CNTNAP2: variants seen among roughly 807,000 people sequenced by gnomAD.
The protein encoded by CNTNAP2 is contactin associated protein 2, also known as contactin-associated protein-like 2.
In CNTNAP2, 98 loss-of-function variants were observed where a neutral mutation model predicts 155.2. That is an observed-to-expected ratio of 0.63 (90% CI 0.54 to 0.75). CNTNAP2 has a LOEUF of 0.75. Ranked by LOEUF, CNTNAP2 falls within the 30% of genes least tolerant of loss-of-function variation. CNTNAP2 has a pLI of 0.00. For synonymous variants in CNTNAP2, 651 were observed against 631.2 expected (o/e 1.03, Z -0.47); for missense variants, 1,727 against 1,688.1 (o/e 1.02, Z -0.40).
chr7:147,863,409 C>A (rs959771717), intron 13 of CNTNAP2, among the ~76,000 whole-genome samples: 6 of 152,036 alleles, frequency 3.9e-5, no homozygotes, highest in Non-Finnish European at 7.4e-5. Context: ...TGTGTCTTTA[C>A]AGGAGCATGA....
chr7:146,883,402 T>C (rs945143475), intron 3 of CNTNAP2, among the ~76,000 whole-genome samples: 4 of 152,134 alleles, frequency 2.6e-5, no homozygotes, highest in Admixed American at 6.6e-5. Flanking sequence ...AAATACGTTT[T>C]TTTCTATGTG....
At chr7:147,712,156 C>T (rs942556090) in intron 13 of CNTNAP2, among the ~76,000 whole-genome samples, 3 of 152,100 alleles carry the variant, frequency 2.0e-5, no homozygotes, top group African/African-American at 7.2e-5. Context: ...TGCTCATCAT[C>T]GCTGGCCATC....
Position 147,118,259 on chromosome 7 carries a change from C to T in CNTNAP2, c.755-2720C>T, listed in dbSNP as rs1371358750. 4.6e-5 allele frequency among the ~76,000 whole-genome samples: 7 copies of T among 152,086 alleles called. No individual in the cohort carries two copies. The East Asian group carries it at 1.3e-3, about 29-fold the overall frequency. On this transcript the variant is annotated intron_variant, in intron 5 of 23. Coordinates refer to ENST00000361727, the MANE Select transcript of CNTNAP2 (RefSeq NM_014141.6). ...AATAGCTAGACAGTATGTCTTCGGACACTTGAAATCTCTTACAATACAGTA... is the reference window on the plus strand; with the variant it reads ...AATAGCTAGACAGTATGTCTTCGGATACTTGAAATCTCTTACAATACAGTA...
At chr7:146,193,155 T>G (rs34181509) in intron 1 of CNTNAP2, among the ~76,000 whole-genome samples, 16,964 of 152,242 alleles carry the variant, frequency 0.11, 1,232 homozygotes, top group Non-Finnish European at 0.17. Context: ...TTTCATGGGC[T>G]GGCATTGAGT....
At chr7:146,569,238 G>C (rs751015098) in intron 1 of CNTNAP2, among the ~76,000 whole-genome samples, 19 of 151,982 alleles carry the variant, frequency 1.3e-4, no homozygotes, top group South Asian at 2.1e-4. Flanking sequence ...GGATGGTCTC[G>C]ATCTCCTCCT....
rs144060621 is a variant in CNTNAP2 at position 146,647,277 on chromosome 7, C to T, written c.98-126994C>T. ...TTATCTCGAGCTCCTTTCCTCACCC[C>T]ATTTCCTTTAAAGAATGGCCAGAAA... On this transcript the variant is annotated intron_variant, in intron 1 of 23. Coordinates refer to ENST00000361727, the MANE Select transcript of CNTNAP2 (RefSeq NM_014141.6). Among the ~76,000 whole-genome samples the T allele has an allele frequency of 4.0e-3, 605 of 152,220 alleles. 4 individuals carry two copies. The highest frequency in any genetic ancestry group is 0.016 in the South Asian group (77 of 4,820).
At chr7:146,752,970 A>C (rs2129182761) in intron 1 of CNTNAP2, among the ~76,000 whole-genome samples, 1 of 152,278 alleles carries the variant, frequency 6.6e-6, no homozygotes, top group East Asian at 1.9e-4. Context: ...AAAGTGAGTG[A>C]ATCTCACTGG....
chr7:146,309,455 A>G (rs1167022896), intron 1 of CNTNAP2, among the ~76,000 whole-genome samples: 4 of 152,118 alleles, frequency 2.6e-5, no homozygotes, highest in African/African-American at 9.7e-5. Flanking sequence ...TCTCAAAGCC[A>G]TTTCACGGGC....
At chr7:147,362,017 C>G (rs929434590) in intron 9 of CNTNAP2, among the ~76,000 whole-genome samples, 4 of 152,202 alleles carry the variant, frequency 2.6e-5, no homozygotes, top group African/African-American at 7.2e-5. Context: ...TCGGCTGGAA[C>G]AGTGGGCCTG....
At chr7:146,812,229 C>T (rs538981107) in intron 2 of CNTNAP2, among the ~76,000 whole-genome samples, 70 of 151,872 alleles carry the variant, frequency 4.6e-4, no homozygotes, top group African/African-American at 1.9e-4. Flanking sequence ...AAAATGCTGA[C>T]GGTTATATGG....
intron 3 of CNTNAP2, among the ~76,000 whole-genome samples, chr7:146,905,148 C>G (rs370762924): frequency 6.6e-6 from 1 of 152,000 alleles, no homozygotes; most frequent in South Asian, 2.1e-4. Flanking sequence ...CCCCTACTCA[C>G]GTTGTGACAA....
chr7:148,172,436 G>A lies in CNTNAP2; in HGVS notation c.2968G>A (p.Asp990Asn), dbSNP rs1060503572. 6.2e-6 allele frequency: 10 copies of A among 1,614,046 alleles called. No individual in the cohort carries two copies. Among genetic ancestry groups the A allele is most frequent in the East Asian group, 2.2e-5 (1 of 44,898 alleles). Reference protein sequence around the residue: ...CLERYHGYSCDCSNTAYDGTF... With the variant: ...CLERYHGYSCNCSNTAYDGTF... The stretch of plus-strand genomic sequence containing the variant: ...AGAGAGATACCACGGTTACTCCTGC[G>A]ATTGCTCTAATACTGCATATGATGG... The change falls in exon 18 of 24, where the codon GAT (aspartate) becomes AAT (asparagine). Residue 990 changes from aspartate to asparagine, a missense_variant. By Grantham distance (23) the Asp-to-Asn change is conservative (BLOSUM62 1). Coordinates refer to ENST00000361727, the MANE Select transcript of CNTNAP2 (RefSeq NM_014141.6).
At chr7:146,717,457 T>C (rs1801210379) in intron 1 of CNTNAP2, among the ~76,000 whole-genome samples, 1 of 151,560 alleles carries the variant, frequency 6.6e-6, no homozygotes. Context: ...GAGGTTGCAG[T>C]GAGCCAAGAT....
At chr7:147,248,409 A>G (rs898504748) in intron 8 of CNTNAP2, among the ~76,000 whole-genome samples, 3 of 152,164 alleles carry the variant, frequency 2.0e-5, no homozygotes, top group African/African-American at 7.2e-5. Context: ...TACACTTCGC[A>G]GTCTTGGTTG....
At chr7:147,238,075 C>T (rs1004805067) in intron 8 of CNTNAP2, among the ~76,000 whole-genome samples, 2 of 152,136 alleles carry the variant, frequency 1.3e-5, no homozygotes, top group African/African-American at 4.8e-5. Context: ...AGTGCAGTGG[C>T]GCGATCTCGG....
chr7:146,931,587 A>C (rs907329084), intron 3 of CNTNAP2, among the ~76,000 whole-genome samples: 11 of 151,194 alleles, frequency 7.3e-5, no homozygotes, highest in Non-Finnish European at 1.3e-4. Context: ...AACTAAAATC[A>C]GAGCAGAACT....
rs191067437 is a variant in CNTNAP2 at position 146,774,154 on chromosome 7, G to A, written c.98-117G>A. 195 of 760,644 alleles carry A rather than the reference G, an allele frequency of 2.6e-4. No homozygotes were observed. The African/African-American group carries it at 2.8e-3, about 11-fold the overall frequency. 47.1% of individuals were successfully genotyped at this position (760,644 alleles called of 1,614,324 possible). On this transcript the variant is annotated intron_variant, in intron 1 of 23. Transcript: ENST00000361727. ...TGCCTAAATTCCTTTGCTAAATATTGTTTCAAAGATACATAAAAGACATAT... is the reference window on the plus strand; with the variant it reads ...TGCCTAAATTCCTTTGCTAAATATTATTTCAAAGATACATAAAAGACATAT...
chr7:148,089,254 A>G (rs1803793707), intron 15 of CNTNAP2, among the ~76,000 whole-genome samples: 1 of 152,050 alleles, frequency 6.6e-6, no homozygotes, highest in Non-Finnish European at 1.5e-5. Context: ...GAAGACAAGG[A>G]TGCCCACTCT....
intron 4 of CNTNAP2, among the ~76,000 whole-genome samples, chr7:147,073,974 A>C (rs903284918): frequency 3.9e-5 from 6 of 152,144 alleles, no homozygotes; most frequent in African/African-American, 7.2e-5. Flanking sequence ...GAGGCATTTC[A>C]TTTGTTCGCT....
Sources: allele counts gnomAD v4.1 joint callset (sites outside exome capture counted in the v4.1 genomes callset), GRCh38; gene constraint gnomAD v4.1.1; transcripts MANE v1.5; gene names NCBI Gene and HGNC (gene_info 2026-07-23, HGNC 2026-07-21).